Variants in EHMT1 observed in about 807,000 individuals in gnomAD.
EHMT1 encodes euchromatic histone lysine methyltransferase 1.
Under a neutral mutation model 147.2 loss-of-function variants are expected in EHMT1, and 15 were observed. The ratio of observed to expected loss-of-function variants is 0.10; its 90% CI spans 0.07 to 0.16. The LOEUF (loss-of-function observed/expected upper bound fraction) is 0.16. EHMT1 is among the 10% of genes least tolerant of loss of function. EHMT1 has a pLI of 1.00. For synonymous variants in EHMT1, 795 were observed against 709.6 expected, an observed-to-expected ratio of 1.12 and a Z score of -1.91; for missense variants, 1,587 against 1,772.4, an observed-to-expected ratio of 0.90 and a Z score of 1.88.
At chr9:137,833,877 G>A in intron 25 of EHMT1, among the ~76,000 whole-genome samples, 1 of 152,222 alleles carries the variant, frequency 6.6e-6, no homozygotes, top group Non-Finnish European at 1.5e-5. Context: ...GACCCTCTGG[G>A]GACTGCTCCG....
At chr9:137,784,211 T>G in intron 15 of EHMT1, 1 of 1,549,836 alleles carries the variant, frequency 6.5e-7, no homozygotes. Context: ...AAGAGGAAGA[T>G]GCTCCAGCAC....
chr9:137,775,365 A>C lies in EHMT1; in HGVS notation c.1791+113A>C. On this transcript the variant is annotated intron_variant, in intron 11 of 26. Transcript: ENST00000460843. This position sits in a 1 kb window ranked among gnomAD's most constrained non-coding sequence, Gnocchi z 6.1. The stretch of plus-strand genomic sequence containing the variant: ...TGTCGGGTGGTCCAGCAGCTGGCCC[A>C]GGTCTGGTGTCCGTCTGGAGGTCTC... 1 of 1,482,604 alleles carries C rather than the reference A, an allele frequency of 6.7e-7. No individual in the cohort carries two copies. The highest frequency in any genetic ancestry group is 9.1e-7 in the Non-Finnish European group (1 of 1,099,256). The allele number at this position is 1,482,604 out of a possible 1,614,324, so 91.8% of individuals were successfully genotyped here.
At chr9:137,655,317 G>A (rs950294956) in intron 1 of EHMT1, among the ~76,000 whole-genome samples, 28 of 152,120 alleles carry the variant, frequency 1.8e-4, no homozygotes, top group Admixed American at 9.8e-4. Flanking sequence ...GCGCCTGGCC[G>A]TTAACTATTT....
chr9:137,806,600 A>C (rs7047246), intron 18 of EHMT1, among the ~76,000 whole-genome samples: 21,659 of 151,632 alleles, frequency 0.14, 5,039 homozygotes, highest in African/African-American at 0.49. Flanking sequence ...CACGCCCGGG[A>C]AATTTTTGTG....
intron 1 of EHMT1, among the ~76,000 whole-genome samples, chr9:137,630,301 G>C (rs1480382899): frequency 1.3e-5 from 2 of 152,256 alleles, no homozygotes; most frequent in East Asian, 3.8e-4. Flanking sequence ...AAATATTACT[G>C]AGTAGGAAAT....
intron 1 of EHMT1, among the ~76,000 whole-genome samples, chr9:137,628,079 T>A (rs900054111): frequency 6.6e-6 from 1 of 152,204 alleles, no homozygotes; most frequent in Non-Finnish European, 1.5e-5. Flanking sequence ...AGTACTTGCT[T>A]GAGGAGGAGA....
At chr9:137,825,898 G>A (rs1057270943) in intron 25 of EHMT1, among the ~76,000 whole-genome samples, 1 of 152,150 alleles carries the variant, frequency 6.6e-6, no homozygotes, top group Non-Finnish European at 1.5e-5. Flanking sequence ...CCGTGATGCT[G>A]TTGTGCAGGC....
At chr9:137,703,989 T>C (rs1307757624) in intron 1 of EHMT1, among the ~76,000 whole-genome samples, 1 of 152,092 alleles carries the variant, frequency 6.6e-6, no homozygotes, top group Non-Finnish European at 1.5e-5. Context: ...CTCAGGAAAC[T>C]TAGCAATCAT....
At chr9:137,717,687 G>A (rs899269038) in intron 3 of EHMT1, among the ~76,000 whole-genome samples, 3 of 151,326 alleles carry the variant, frequency 2.0e-5, no homozygotes, top group Admixed American at 2.0e-4. Context: ...GTGACGCCTC[G>A]CTTCCTTCTT....
intron 1 of EHMT1, among the ~76,000 whole-genome samples, chr9:137,690,192 C>A (rs914902523): frequency 6.6e-6 from 1 of 151,972 alleles, no homozygotes; most frequent in African/African-American, 2.4e-5. Flanking sequence ...ATTTTGAAGG[C>A]GGAGACTAGA....
intron 6 of EHMT1, chr9:137,747,765 G>A (rs551733556): frequency 6.6e-6 from 1 of 152,246 alleles, no homozygotes; most frequent in East Asian, 1.9e-4. Context: ...CCACCACCCA[G>A]ATCAAAGCCT....
intron 1 of EHMT1, among the ~76,000 whole-genome samples, chr9:137,668,268 C>T (rs1449124379): frequency 1.3e-5 from 2 of 152,044 alleles, no homozygotes; most frequent in Non-Finnish European, 2.9e-5. Flanking sequence ...TTGCTTCCTT[C>T]TCCTCCTGTT....
intron 1 of EHMT1, among the ~76,000 whole-genome samples, chr9:137,690,008 T>C (rs1244112240): frequency 6.6e-6 from 1 of 152,182 alleles, no homozygotes; most frequent in South Asian, 2.1e-4. Flanking sequence ...TTGCCTCTTA[T>C]TCCGAGCAAG....
intron 2 of EHMT1, chr9:137,715,871 T>A (rs916306026): frequency 4.1e-6 from 4 of 982,030 alleles, no homozygotes; most frequent in Non-Finnish European, 4.8e-6. Flanking sequence ...TAGCAGTGAT[T>A]CCCCAAACTT....
intron 10 of EHMT1, among the ~76,000 whole-genome samples, chr9:137,768,792 C>T (rs944083783): frequency 9.9e-5 from 15 of 151,624 alleles, no homozygotes; most frequent in Admixed American, 3.3e-4. Context: ...CCTCGTGATC[C>T]GCCCGCCTCG....
chr9:137,773,588 A>AG, intron 10 of EHMT1, among the ~76,000 whole-genome samples: 1 of 152,334 alleles, frequency 6.6e-6, no homozygotes, highest in East Asian at 1.9e-4. Context: ...GGGTCCTTCT[A>AG]GATACATGTT....
At chr9:137,710,946 G>A (rs1326943663) in intron 1 of EHMT1, 21 bp from the exon 2 acceptor site, 5 of 1,588,932 alleles carry the variant, frequency 3.1e-6, no homozygotes, top group Non-Finnish European at 4.3e-6. Flanking sequence ...CCGGCTGACG[G>A]CTGTTGTTTC....
rs534325637 is a variant in EHMT1, at chr9:137,623,501, G to A, written c.21+4452G>A. Reference sequence around the variant, plus strand: ...ACTATCTCTGCTAACTGCAGCCTCCGCCTCCTGGGTTCAAGCGATTCTCCT... The same window carrying A: ...ACTATCTCTGCTAACTGCAGCCTCCACCTCCTGGGTTCAAGCGATTCTCCT... On this transcript the variant is annotated intron_variant, in intron 1 of 26. Coordinates refer to ENST00000460843, the MANE Select transcript of EHMT1 (RefSeq NM_024757.5). 4.6e-5 allele frequency among the ~76,000 whole-genome samples: 7 copies of A among 151,762 alleles called. No individual in the cohort carries two copies. The East Asian group carries it at 5.9e-4, about 13-fold the overall frequency.
At position 137,813,559 on chromosome 9, in the gene EHMT1, C is replaced by T; in HGVS notation, c.3180+29C>T. The T allele has an allele frequency of 3.7e-6, 6 of 1,612,836 alleles. No individual in the cohort carries two copies. The highest frequency in any genetic ancestry group is 4.2e-6 in the Non-Finnish European group (5 of 1,179,876). ...AGTGACGGCAGATGAAGGGCTGACT[C>T]AGGCCAGGACATGGGACAGGCAGAA... On this transcript the variant is annotated intron_variant, in intron 21 of 26. Coordinates refer to ENST00000460843, the MANE Select transcript of EHMT1 (RefSeq NM_024757.5). This position sits in a 1 kb window ranked among gnomAD's most constrained non-coding sequence, Gnocchi z 4.9.
Sources: allele counts gnomAD v4.1 joint callset (sites outside exome capture counted in the v4.1 genomes callset), GRCh38; gene constraint gnomAD v4.1.1; non-coding constraint Gnocchi (gnomAD v3.1); transcripts MANE v1.5; gene names NCBI Gene and HGNC (gene_info 2026-07-23, HGNC 2026-07-21).